ANAPC16: variants seen among roughly 807,000 people sequenced by gnomAD.
ANAPC16 encodes anaphase promoting complex subunit 16, also known as anaphase-promoting complex subunit 16.
ANAPC16 carries 6 observed loss-of-function variants against 13.1 expected under a neutral mutation model. The observed-to-expected ratio is 0.46, with a 90% CI of 0.25 to 0.90. ANAPC16 has a LOEUF of 0.90. ANAPC16 is among the 40% of genes least tolerant of loss of function. The pLI is 0.18. For synonymous variants in ANAPC16, 55 were observed against 51.3 expected (o/e 1.07, Z -0.31); for missense variants, 113 against 131.1 (o/e 0.86, Z 0.67).
intron 2 of ANAPC16, among the ~76,000 whole-genome samples, chr10:72,229,918 C>T (rs533036889): frequency 6.6e-6 from 1 of 152,286 alleles, no homozygotes; most frequent in South Asian, 2.1e-4. Flanking sequence ...TATTAAAAAT[C>T]AACAATTTTT....
intron 1 of ANAPC16, chr10:72,220,712 C>T (rs78898564): frequency 9.7e-6 from 1 of 103,444 alleles, no homozygotes; most frequent in Non-Finnish European, 2.0e-5. Flanking sequence ...TTGCAACTAG[C>T]AAAAAAAAAA....
rs1860421682 is a variant in ANAPC16, at chr10:72,234,682, T to C, written c.*1566T>C. ...AGCATTTAGCCTTAATCTCAAGAGT[T>C]CAAAATGTTTAACACATTCTACCTG... On this transcript the variant is annotated 3_prime_UTR_variant, in exon 4 of 4. Coordinates refer to ENST00000299381, the MANE Select transcript of ANAPC16 (RefSeq NM_173473.4). 1 of 152,212 alleles carries C rather than the reference T, an allele frequency of 6.6e-6. No homozygotes were observed. Among genetic ancestry groups the C allele is most frequent in the Admixed American group, 6.5e-5 (1 of 15,272 alleles). The allele number at this position is 152,212 out of a possible 1,614,324, so 9.4% of individuals were successfully genotyped here. A position where few individuals can be genotyped will look rare whatever the true frequency, so the allele number is the denominator to read the frequency against.
intron 1 of ANAPC16, among the ~76,000 whole-genome samples, chr10:72,218,145 C>CAAAAAAAAAAAAAAAAAAAAAAAAAAAA (rs142932037): frequency 2.9e-5 from 1 of 34,884 alleles, no homozygotes; most frequent in African/African-American, 2.4e-4. Flanking sequence ...AACTCTGTCT[C>CAAAAAAAAAAAAAAAAAAAAAAAAAAAA]AAAAAAAAAA....
chr10:72,220,567 G>A (rs754973833), intron 1 of ANAPC16, among the ~76,000 whole-genome samples: 12 of 151,972 alleles, frequency 7.9e-5, no homozygotes, highest in Non-Finnish European at 1.2e-4. Context: ...TTGAGAGGTT[G>A]GAGGATTGCT....
intron 3 of ANAPC16, among the ~76,000 whole-genome samples, chr10:72,230,711 A>G (rs982541400): frequency 2.0e-5 from 3 of 152,138 alleles, no homozygotes; most frequent in African/African-American, 7.2e-5. Flanking sequence ...CCTGGCCAAC[A>G]TGGTGAAACT....
chr10:72,232,947 C>A, intron 3 of ANAPC16, 54 bp from the exon 4 acceptor site: 2 of 1,394,014 alleles, frequency 1.4e-6, no homozygotes, highest in Non-Finnish European at 1.0e-6. Flanking sequence ...TGGCTGGTGG[C>A]AGTCTCTTGG....
In ANAPC16 at chr10:72,223,774, A is replaced by G. The variant is rs996486127; in HGVS notation, c.-27-114A>G. The G allele has an allele frequency of 8.8e-6, 7 of 791,906 alleles. No homozygotes were observed. The African/African-American group carries it at 1.2e-4, about 14-fold the overall frequency. The allele number at this position is 791,906 out of a possible 1,614,324, so 49.1% of individuals were successfully genotyped here. ...ATTGTGAAAGTAGAGAGCATAGAAA[A>G]AAGGGGAGCTAACTCTTTACAAAAC... On this transcript the variant is annotated intron_variant, in intron 1 of 3. Coordinates refer to ENST00000299381, the MANE Select transcript of ANAPC16 (RefSeq NM_173473.4).
chr10:72,221,387 A>G (rs559694269), intron 1 of ANAPC16, among the ~76,000 whole-genome samples: 5 of 152,204 alleles, frequency 3.3e-5, no homozygotes, highest in Non-Finnish European at 7.3e-5. Context: ...TTTAATTAAT[A>G]TTAAATAAAA....
Position 72,230,585 on chromosome 10 carries a change from T to C in ANAPC16, c.217+145T>C, listed in dbSNP as rs1860266527. 1.6e-5 allele frequency: 11 copies of C among 686,134 alleles called. No homozygotes were observed. The South Asian group carries it at 2.0e-4, about 12-fold the overall frequency. 42.5% of individuals were successfully genotyped at this position (686,134 alleles called of 1,614,324 possible). ...AACATTCTAGGTCTTAATCTAGTCA[T>C]AATGTCCACATTGAGGCTTAAGGTT... is the stretch of plus-strand genomic sequence containing the variant. On this transcript the variant is annotated intron_variant, in intron 3 of 3. Transcript: ENST00000299381.
rs1859722437 is a variant in ANAPC16, at chr10:72,218,168, ATATATATATATATATATATATATAT to A, written c.-28+2031_-28+2055del. On this transcript the variant is annotated intron_variant, in intron 1 of 3. Transcript: ENST00000299381. The stretch of plus-strand genomic sequence containing the variant: ...CTCAAAAAAAAAAAAAAAAAAAAAT[ATATATATATATATATATATATATAT>A]ATATATATATATATATATATATATA... 3.2e-3 allele frequency among the ~76,000 whole-genome samples: 64 copies of A among 19,744 alleles called. 8 individuals carry two copies. The highest frequency in any genetic ancestry group is 0.012 in the African/African-American group (56 of 4,802). 13.0% of individuals were successfully genotyped at this position (19,744 alleles called of 152,430 possible).
At chr10:72,222,010 G>A (rs188138255) in intron 1 of ANAPC16, among the ~76,000 whole-genome samples, 113 of 151,256 alleles carry the variant, frequency 7.5e-4, no homozygotes, top group African/African-American at 2.7e-3. Flanking sequence ...TTACAGGTGT[G>A]AGCCACCGCA....
intron 1 of ANAPC16, among the ~76,000 whole-genome samples, chr10:72,222,723 G>A (rs1480908030): frequency 6.6e-6 from 1 of 152,240 alleles, no homozygotes; most frequent in Non-Finnish European, 1.5e-5. Context: ...GTTGCGGTGA[G>A]CCGATATCAT....
At chr10:72,224,355 G>T (rs1564792606) in intron 2 of ANAPC16, among the ~76,000 whole-genome samples, 1 of 152,294 alleles carries the variant, frequency 6.6e-6, no homozygotes, top group East Asian at 1.9e-4. Flanking sequence ...GCTCACTCCT[G>T]TTATCCCAGC....
At chr10:72,218,170 ATATATATATAT>A in intron 1 of ANAPC16, among the ~76,000 whole-genome samples, 1 of 17,232 alleles carries the variant, frequency 5.8e-5, no homozygotes, top group African/African-American at 2.8e-4. Flanking sequence ...AAAAAAATAT[ATATATATATAT>A]ATATATATAT....
chr10:72,218,984 G>C (rs1464200987), intron 1 of ANAPC16, among the ~76,000 whole-genome samples: 1 of 152,362 alleles, frequency 6.6e-6, no homozygotes, highest in African/African-American at 2.4e-5. Flanking sequence ...GCTACCTTTT[G>C]AAGCTGTCCT....
intron 2 of ANAPC16, among the ~76,000 whole-genome samples, chr10:72,225,537 A>G (rs1589713050): frequency 6.8e-6 from 1 of 147,578 alleles, no homozygotes; most frequent in Non-Finnish European, 1.5e-5. Context: ...AGCCATGATC[A>G]TGCCATGGCA....
Position 72,233,108 on chromosome 10 carries a change from T to G in ANAPC16, c.325T>G (p.Ser109Ala). ...GCAGCTGCTGGGATTCACCCCCTCT[T>G]CAGGTTGATACTGCCTGGATGGTCA... ...IEQLLGFTPS[S>A]G Residue 109 changes from serine (S) to alanine (A), a missense_variant, in exon 4 of 4, where the codon TCA (serine) becomes GCA (alanine). By Grantham distance (99) the Ser-to-Ala change is moderately conservative (BLOSUM62 1). Coordinates refer to ENST00000299381, the MANE Select transcript of ANAPC16 (RefSeq NM_173473.4). The G allele has an allele frequency of 6.2e-7, 1 of 1,613,956 alleles. No homozygotes were observed. Among genetic ancestry groups the G allele is most frequent in the South Asian group, 1.1e-5 (1 of 91,082 alleles).
At position 72,230,450 on chromosome 10, in the gene ANAPC16, T is replaced by C. The variant is rs199766469; in HGVS notation, c.217+10T>C. ...AAACAGGTGAAACATGGTAAGCACA[T>C]GAGTGTTGCGTACTTGACTGTGAGA... On this transcript the variant is annotated intron_variant, in intron 3 of 3. Transcript: ENST00000299381. The C allele has an allele frequency of 1.7e-5, 27 of 1,612,480 alleles. No homozygotes were observed. Among genetic ancestry groups the C allele is most frequent in the Admixed American group, 8.3e-5 (5 of 60,012 alleles).
At chr10:72,224,168 T>C in intron 2 of ANAPC16, 112 bp downstream of exon 2, 1 of 1,168,190 alleles carries the variant, frequency 8.6e-7, no homozygotes, top group Admixed American at 3.0e-5. Context: ...CAGCTCCACA[T>C]TTCATTTCTT....
Sources: allele counts gnomAD v4.1 joint callset (sites outside exome capture counted in the v4.1 genomes callset), GRCh38; gene constraint gnomAD v4.1.1; transcripts MANE v1.5; gene names NCBI Gene and HGNC (gene_info 2026-07-23, HGNC 2026-07-21).